Variants in CTNNA3 observed in about 807,000 individuals in gnomAD.
The protein encoded by CTNNA3 is catenin alpha 3.
A neutral mutation model predicts 95.7 loss-of-function variants in CTNNA3; 76 were observed. The ratio of observed to expected loss-of-function variants is 0.79; its 90% CI spans 0.66 to 0.96. The LOEUF (loss-of-function observed/expected upper bound fraction) is 0.96. Ranked by LOEUF, CTNNA3 falls within the 40% of genes least tolerant of loss-of-function variation. The probability of loss-of-function intolerance (pLI) is 0.00; values close to 1 mark genes in which losing one functional copy is unlikely to be tolerated. For synonymous variants in CTNNA3, 431 were observed against 374.4 expected, an observed-to-expected ratio of 1.15 and a Z score of -1.74; for missense variants, 1,191 against 1,089.8, an observed-to-expected ratio of 1.09 and a Z score of -1.31.
intron 5 of CTNNA3, among the ~76,000 whole-genome samples, chr10:67,433,584 C>T (rs1156473359): frequency 1.3e-5 from 2 of 151,914 alleles, no homozygotes. Flanking sequence ...CGAGGTATGC[C>T]TGTGTTTCTT....
intron 7 of CTNNA3, among the ~76,000 whole-genome samples, chr10:67,025,433 T>A (rs1853313005): frequency 6.6e-6 from 1 of 152,076 alleles, no homozygotes. Context: ...ACTTGTTCTC[T>A]CCTAAGTACA....
intron 13 of CTNNA3, among the ~76,000 whole-genome samples, chr10:66,238,930 A>T (rs1435633055): frequency 6.6e-6 from 1 of 151,892 alleles, no homozygotes; most frequent in Admixed American, 6.6e-5. Context: ...TAAGATGAAT[A>T]TGGTTTGTAT....
intron 13 of CTNNA3, among the ~76,000 whole-genome samples, chr10:66,141,251 ACT>A (rs2083602118): frequency 6.6e-6 from 1 of 150,840 alleles, no homozygotes; most frequent in Non-Finnish European, 1.5e-5. Context: ...GAGTGAGAAG[ACT>A]CTGTCTCAGA....
At chr10:66,346,244 T>TAGAGAG (rs1414198702) in intron 12 of CTNNA3, among the ~76,000 whole-genome samples, 7 of 9,038 alleles carry the variant, frequency 7.7e-4, no homozygotes, top group African/African-American at 2.1e-3. Flanking sequence ...TATATATATA[T>TAGAGAG]ATAGAGAGAG....
intron 1 of CTNNA3, among the ~76,000 whole-genome samples, chr10:67,743,721 T>C (rs1841357342): frequency 6.6e-6 from 1 of 151,276 alleles, no homozygotes. Context: ...TGTCCCTGTT[T>C]GCAGATGACA....
At chr10:66,853,833 A>G (rs1012019082) in intron 7 of CTNNA3, among the ~76,000 whole-genome samples, 21 of 152,128 alleles carry the variant, frequency 1.4e-4, no homozygotes, top group African/African-American at 5.1e-4. Flanking sequence ...AGAAAAGTAC[A>G]TAATTTCTAC....
At chr10:65,989,630 T>A (rs1281974749) in intron 15 of CTNNA3, among the ~76,000 whole-genome samples, 2 of 152,220 alleles carry the variant, frequency 1.3e-5, no homozygotes, top group African/African-American at 4.8e-5. Context: ...ATTATTTTGC[T>A]ATTTGTACAT....
At chr10:66,891,009 C>T (rs1052111636) in intron 7 of CTNNA3, among the ~76,000 whole-genome samples, 1 of 152,078 alleles carries the variant, frequency 6.6e-6, no homozygotes, top group Admixed American at 6.6e-5. Flanking sequence ...AGGTATAGTT[C>T]ATATTAAAAC....
intron 14 of CTNNA3, among the ~76,000 whole-genome samples, chr10:66,087,211 C>T (rs976735452): frequency 6.6e-6 from 1 of 152,032 alleles, no homozygotes; most frequent in African/African-American, 2.4e-5. Flanking sequence ...CTCCTCAAGC[C>T]CCTCTATAAA....
chr10:66,141,291 G>C (rs774540121), intron 13 of CTNNA3, among the ~76,000 whole-genome samples: 1 of 150,040 alleles, frequency 6.7e-6, no homozygotes, highest in Non-Finnish European at 1.5e-5. Flanking sequence ...AAGAAAGAAA[G>C]AAAAATTTCT....
rs145175993 is a variant in CTNNA3, at chr10:65,938,934, G to A, written c.2401-18317C>T. 4.1e-3 allele frequency among the ~76,000 whole-genome samples: 616 copies of A among 150,470 alleles called. 19 individuals are homozygous for A. Among genetic ancestry groups the A allele is most frequent in the East Asian group, 0.024 (124 of 5,074 alleles). On this transcript the variant is annotated intron_variant, in intron 17 of 17. Coordinates refer to ENST00000433211, the MANE Select transcript of CTNNA3 (RefSeq NM_013266.4). ...TTCTTTTCTTTTTAGACGGAGTCTC[G>A]CTCTGTCGCCCAGGCTGGAATGCAG...
At chr10:67,546,385 G>A (rs1000237757) in intron 3 of CTNNA3, among the ~76,000 whole-genome samples, 1 of 151,838 alleles carries the variant, frequency 6.6e-6, no homozygotes, top group Non-Finnish European at 1.5e-5. Context: ...CTCCCTCTTC[G>A]GCCTCTCAAA....
intron 12 of CTNNA3, among the ~76,000 whole-genome samples, chr10:66,290,717 T>G (rs186014901): frequency 2.0e-5 from 3 of 152,238 alleles, no homozygotes; most frequent in East Asian, 3.9e-4. Flanking sequence ...CAGAAATAGG[T>G]CTTGATTTGA....
At chr10:66,202,198 T>C (rs1444541618) in intron 13 of CTNNA3, among the ~76,000 whole-genome samples, 1 of 152,212 alleles carries the variant, frequency 6.6e-6, no homozygotes. Flanking sequence ...ACATTGCTTT[T>C]ATTTCACAGT....
At chr10:67,145,471 C>T (rs1156272000) in intron 7 of CTNNA3, among the ~76,000 whole-genome samples, 2 of 150,978 alleles carry the variant, frequency 1.3e-5, no homozygotes, top group African/African-American at 2.4e-5. Flanking sequence ...CAGTTTGTCA[C>T]CCAGGCTGAA....
At chr10:67,405,864 C>T (rs1845121365) in intron 5 of CTNNA3, among the ~76,000 whole-genome samples, 1 of 152,162 alleles carries the variant, frequency 6.6e-6, no homozygotes, top group Non-Finnish European at 1.5e-5. Context: ...TCTCAGACCA[C>T]AGTGCAATCA....
At chr10:67,459,039 C>T (rs983969132) in intron 5 of CTNNA3, among the ~76,000 whole-genome samples, 2 of 152,064 alleles carry the variant, frequency 1.3e-5, no homozygotes, top group African/African-American at 4.8e-5. Flanking sequence ...AAGGTGAAGC[C>T]TAGAATAGAA....
rs1318466806 is a variant in CTNNA3 at position 67,227,094 on chromosome 10, C to CT, written c.580-7225dup. ...AGCAAGCAAAGGTAGCTTTTTTTTT[C>CT]TTTTTTTTTTTTTTGAGATGGAGTT... On this transcript the variant is annotated intron_variant, in intron 5 of 17. Coordinates refer to ENST00000433211, the MANE Select transcript of CTNNA3 (RefSeq NM_013266.4). Among the ~76,000 whole-genome samples the CT allele has an allele frequency of 4.0e-3, 471 of 118,436 alleles. 7 individuals carry two copies. The highest frequency in any genetic ancestry group is 8.9e-3 in the East Asian group (35 of 3,926). 77.7% of individuals were successfully genotyped at this position (118,436 alleles called of 152,430 possible).
chr10:67,228,119 T>A (rs965727885), intron 5 of CTNNA3, among the ~76,000 whole-genome samples: 10 of 151,788 alleles, frequency 6.6e-5, no homozygotes, highest in African/African-American at 2.4e-4. Flanking sequence ...CTCAAGGAAC[T>A]AGAGAAACAA....
Sources: allele counts gnomAD v4.1 joint callset (sites outside exome capture counted in the v4.1 genomes callset), GRCh38; gene constraint gnomAD v4.1.1; transcripts MANE v1.5; gene names NCBI Gene and HGNC (gene_info 2026-07-23, HGNC 2026-07-21).